The following EHMT2 variants were observed in gnomAD, a reference collection of about 807,000 sequenced individuals.
EHMT2 encodes the protein histone-lysine N-methyltransferase EHMT2.
A neutral mutation model predicts 143.3 loss-of-function variants in EHMT2; 59 were observed. The observed-to-expected ratio is 0.41, with a 90% confidence interval of 0.33 to 0.51. EHMT2 has a LOEUF of 0.51. Ranked by LOEUF, EHMT2 falls within the 20% of genes least tolerant of loss-of-function variation. EHMT2 has a pLI of 0.18. For missense variants in EHMT2, 1,174 were observed against 1,645.9 expected (o/e 0.71, Z 4.96); for synonymous variants, 604 against 651.5 (o/e 0.93, Z 1.11).
Position 31,883,304 on chromosome 6 carries a change from A to C in EHMT2, c.2994+58T>G, listed in dbSNP as rs1764358538. On this transcript the variant is annotated intron_variant, in intron 23 of 27. Coordinates refer to ENST00000375537, the Ensembl canonical transcript of EHMT2. The surrounding 1 kb of genome is among the most constrained non-coding windows in gnomAD (Gnocchi z 5.6). ...TGGTCCCAGGGAGCTGGTTTATTGGAGGCTGGCTCCTCTGAAGGAGGGGCC... is the reference window on the plus strand; with the variant it reads ...TGGTCCCAGGGAGCTGGTTTATTGGCGGCTGGCTCCTCTGAAGGAGGGGCC... 1.3e-6 allele frequency: 2 copies of C among 1,552,804 alleles called. No homozygotes were observed. Among genetic ancestry groups the C allele is most frequent in the South Asian group, 2.3e-5 (2 of 88,706 alleles).
At position 31,888,407 on chromosome 6, in the gene EHMT2, C is replaced by T. The variant is rs1212942570; in HGVS notation, c.1465G>A (p.Val489Ile). ...CAGCCCGGGCAGCAGTGGTGTTTGA[C>T]CATGCGGGCGCGGTGGGTCTCACAG... is the stretch of plus-strand genomic sequence containing the variant. The change falls in exon 12 of 28, where the codon GTC becomes ATC. Residue 489 changes from valine (V) to isoleucine (I), a missense_variant. Around this residue, in one of 6 missense-constraint regions of EHMT2, gnomAD observed 608 missense variants for 903.7 expected, o/e 0.67. Transcript: ENST00000375537. The surrounding 1 kb of genome is among the most constrained non-coding windows in gnomAD (Gnocchi z 7.4). 1 of 1,612,758 alleles carries T rather than the reference C, an allele frequency of 6.2e-7. No individual in the cohort carries two copies. The highest frequency in any genetic ancestry group is 8.5e-7 in the Non-Finnish European group (1 of 1,179,948).
At chr6:31,896,181 G>A in intron 4 of EHMT2, 82 bp downstream of exon 4, 2 of 1,516,054 alleles carry the variant, frequency 1.3e-6, no homozygotes, top group South Asian at 1.3e-5. Context: ...ATGAGTAAAT[G>A]GAGTAGAAGC....
intron 4 of EHMT2, chr6:31,895,640 A>G (rs936066974): frequency 6.6e-6 from 1 of 152,214 alleles, no homozygotes; most frequent in Admixed American, 6.5e-5. Context: ...AAAACAAAAC[A>G]AAACAAACAA....
In EHMT2 at chr6:31,880,324, A is replaced by C; in HGVS notation, c.3453-60T>G. On this transcript the variant is annotated intron_variant, in intron 27 of 27. Transcript: ENST00000375537. This position sits in a 1 kb window ranked among gnomAD's most constrained non-coding sequence, Gnocchi z 6.6. Reference sequence around the variant, plus strand: ...ACCCAGCCACCAAGAGCCCACCCCGAAGACCCTGTGGATCCTGCTCCCTGA... The same window carrying C: ...ACCCAGCCACCAAGAGCCCACCCCGCAGACCCTGTGGATCCTGCTCCCTGA... The C allele has an allele frequency of 6.4e-7, 1 of 1,574,420 alleles. No individual in the cohort carries two copies. Among genetic ancestry groups the C allele is most frequent in the Non-Finnish European group, 8.7e-7 (1 of 1,154,546 alleles).
At position 31,884,592 on chromosome 6, in the gene EHMT2, C is replaced by G. The variant is rs1447333089; in HGVS notation, c.2604-33G>C. On this transcript the variant is annotated intron_variant, in intron 20 of 27. Transcript: ENST00000375537. This position sits in a 1 kb window ranked among gnomAD's most constrained non-coding sequence, Gnocchi z 7.3. ...GGGGACAGGATGCCCAATGCAGGGT[C>G]TGAGGCTGCAAGAAGTGGGGGCAGG... The G allele has an allele frequency of 1.9e-6, 3 of 1,608,818 alleles. No homozygotes were observed. The East Asian group carries it at 6.7e-5, about 36-fold the overall frequency.
chr6:31,894,038 G>A (rs1265945), intron 4 of EHMT2, among the ~76,000 whole-genome samples: 116,340 of 152,176 alleles, frequency 0.76, 45,278 homozygotes, highest in East Asian at 0.91. Flanking sequence ...GCAGTGGCGC[G>A]ATCTCAGTTC....
chr6:31,897,224 AG>A (rs1418868892), intron 1 of EHMT2: 12 of 1,197,346 alleles, frequency 1.0e-5, no homozygotes, highest in Non-Finnish European at 1.3e-5. Flanking sequence ...AGAGAAGAGG[AG>A]GGGGAGGGGG....
Position 31,888,567 on chromosome 6 carries a change from C to A in EHMT2, c.1365+32G>T, listed in dbSNP as rs895803728. On this transcript the variant is annotated intron_variant, in intron 11 of 27. Transcript: ENST00000375537. The surrounding 1 kb of genome is among the most constrained non-coding windows in gnomAD (Gnocchi z 7.4). ...AGGCTGGGGCCGGGGACTGGACGCC[C>A]TGGCACCTCTCCCACCAGCCCACGG... 6 of 1,610,082 alleles carry A rather than the reference C, an allele frequency of 3.7e-6. No homozygotes were observed. In the East Asian group the frequency reaches 1.1e-4, roughly 30 times the overall value.
At chr6:31,892,555 T>C (rs763377724) in exon 7 of EHMT2, 2 of 1,612,682 alleles carry the variant, frequency 1.2e-6, no homozygotes, top group Admixed American at 3.3e-5. Context: ...AGAACCTAAC[T>C]CCTCTGACTA....
chr6:31,887,867 T>C (rs1309823614), exon 14 of EHMT2: 1 of 1,611,828 alleles, frequency 6.2e-7, no homozygotes, highest in Admixed American at 1.7e-5. Flanking sequence ...CAGCCCCCAT[T>C]GGGCAGGGTC....
Position 31,896,785 on chromosome 6 carries a change from G to C in EHMT2, c.149C>G (p.Thr50Ser), listed in dbSNP as rs764278249. ...GGAGTCGGGGGTGGCCTTGGGCAGG[G>C]TTTCTTCACTACGAGGGGTGTCCCC... Residue 50 changes from threonine to serine, a missense_variant, in exon 3 of 28, where the codon ACC becomes AGC. This residue lies in a region of EHMT2 where 399 missense variants were observed against 404.4 expected (regional missense o/e 0.99). Coordinates refer to ENST00000375537, the Ensembl canonical transcript of EHMT2. 1.2e-5 allele frequency: 19 copies of C among 1,612,956 alleles called. No homozygotes were observed. The highest frequency in any genetic ancestry group is 1.4e-5 in the Non-Finnish European group (17 of 1,180,036).
Position 31,897,000 on chromosome 6 carries a change from A to C in EHMT2, c.43-11T>G. The C allele has an allele frequency of 1.3e-6, 2 of 1,559,712 alleles. No individual in the cohort carries two copies. The highest frequency in any genetic ancestry group is 1.7e-6 in the Non-Finnish European group (2 of 1,157,974). On this transcript the variant is annotated splice_polypyrimidine_tract_variant and intron_variant, in intron 1 of 27. Coordinates refer to ENST00000375537, the Ensembl canonical transcript of EHMT2. Reference sequence around the variant, plus strand: ...AGCGGGGGCCTCCCCCTGGGAGGGGAGACAAGGGACAGGAGGGCTGGTCAG... The same window carrying C: ...AGCGGGGGCCTCCCCCTGGGAGGGGCGACAAGGGACAGGAGGGCTGGTCAG...
Position 31,883,965 on chromosome 6 carries a change from A to G in EHMT2, c.2772-15T>C, listed in dbSNP as rs372111828. On this transcript the variant is annotated splice_polypyrimidine_tract_variant and intron_variant, in intron 21 of 27. Coordinates refer to ENST00000375537, the Ensembl canonical transcript of EHMT2. The surrounding 1 kb of genome is among the most constrained non-coding windows in gnomAD (Gnocchi z 5.6). ...GAGCCACGTCCCTGCAGAAGACGGG[A>G]AGAAGGGGCTGGGAAGCTGGAAAAG... 7.6e-5 allele frequency: 123 copies of G among 1,612,276 alleles called. No homozygotes were observed. Among genetic ancestry groups the G allele is most frequent in the Non-Finnish European group, 9.4e-5 (111 of 1,178,904 alleles).
chr6:31,886,721 C>A (rs751318329), intron 17 of EHMT2, 39 bp from the exon 18 acceptor site: 9 of 1,613,852 alleles, frequency 5.6e-6, no homozygotes, highest in Non-Finnish European at 6.8e-6. Context: ...TGGGCTGGCA[C>A]CCCAAACCTG....
At chr6:31,897,609 C>A (rs1350506160) in intron 1 of EHMT2, 27 bp downstream of exon 1, 2 of 1,144,280 alleles carry the variant, frequency 1.7e-6, no homozygotes, top group East Asian at 4.3e-5. Context: ...CGGGCATGCA[C>A]CCGCCTCTCC....
rs750619678 is a variant in EHMT2, at chr6:31,889,388, GC to G, written c.1000-47del. 63 of 1,607,596 alleles carry G rather than the reference GC, an allele frequency of 3.9e-5. No homozygotes were observed. In the Admixed American group the frequency reaches 8.2e-4, roughly 21 times the overall value. ...GAGTTAGGAACCCTCACCCCCAGGG[GC>G]CCCCCCAACACCTTCAGGACCAGAC... On this transcript the variant is annotated intron_variant, in intron 8 of 27. Transcript: ENST00000375537. The surrounding 1 kb of genome is among the most constrained non-coding windows in gnomAD (Gnocchi z 5.1).
exon 17 of EHMT2, chr6:31,886,895 A>G (rs1369744309): frequency 1.9e-6 from 3 of 1,613,976 alleles, no homozygotes; most frequent in South Asian, 2.2e-5. Context: ...TGTTGGCTCC[A>G]GCCTGTGAGG....
intron 1 of EHMT2, 103 bp downstream of exon 1, chr6:31,897,533 G>A (rs1581978707): frequency 1.1e-6 from 1 of 910,288 alleles, no homozygotes; most frequent in Non-Finnish European, 1.3e-6. Flanking sequence ...AGTCCCGCCC[G>A]GGCCCCCCGG....
chr6:31,892,215 C>T (rs1408151359), intron 7 of EHMT2, among the ~76,000 whole-genome samples, 192 bp downstream of exon 7: 1 of 152,098 alleles, frequency 6.6e-6, no homozygotes, highest in Non-Finnish European at 1.5e-5. Context: ...GCGCTCCAGC[C>T]TGGGCGACAG....
Sources: allele counts gnomAD v4.1 joint callset (sites outside exome capture counted in the v4.1 genomes callset), GRCh38; gene constraint gnomAD v4.1.1; regional missense constraint gnomAD v4.1.1; non-coding constraint Gnocchi (gnomAD v3.1); transcripts MANE v1.5; gene names NCBI Gene and HGNC (gene_info 2026-07-23, HGNC 2026-07-21).